Variants in CTNND2 observed in about 807,000 individuals in gnomAD.
CTNND2 encodes the protein catenin delta 2, also known as catenin delta-2.
Under a neutral mutation model 144.4 loss-of-function variants are expected in CTNND2, and 22 were observed. The observed-to-expected ratio is 0.15, with a 90% confidence interval of 0.11 to 0.22. CTNND2 has a LOEUF of 0.22. Among genes scored for constraint, CTNND2 ranks in the 10% least tolerant of loss-of-function variants. The pLI is 1.00. For synonymous variants in CTNND2, 751 were observed against 695.6 expected (o/e 1.08, Z -1.25); for missense variants, 1,353 against 1,618.8 (o/e 0.84, Z 2.82).
intron 16 of CTNND2, among the ~76,000 whole-genome samples, chr5:11,035,612 C>CATT (rs1743985629): frequency 6.6e-6 from 1 of 152,170 alleles, no homozygotes; most frequent in African/African-American, 2.4e-5. Context: ...TTTGGGAGGA[C>CATT]ATTATTCTGC....
intron 12 of CTNND2, among the ~76,000 whole-genome samples, chr5:11,132,238 G>T (rs1755694562): frequency 6.6e-6 from 1 of 152,194 alleles, no homozygotes; most frequent in African/African-American, 2.4e-5. Flanking sequence ...CAGTAGGGAA[G>T]AAAGGGCAGA....
intron 2 of CTNND2, among the ~76,000 whole-genome samples, chr5:11,590,871 C>G (rs1779199045): frequency 6.6e-6 from 1 of 152,236 alleles, no homozygotes; most frequent in East Asian, 1.9e-4. Flanking sequence ...CACTTTCACC[C>G]AAGTGAATAA....
At chr5:11,108,495 C>T (rs1334331188) in intron 14 of CTNND2, among the ~76,000 whole-genome samples, 1 of 152,158 alleles carries the variant, frequency 6.6e-6, no homozygotes, top group East Asian at 1.9e-4. Context: ...AAATTGACTA[C>T]AGTGCACTCA....
chr5:11,547,951 G>A (rs541278625), intron 3 of CTNND2, among the ~76,000 whole-genome samples: 5 of 152,212 alleles, frequency 3.3e-5, no homozygotes, highest in Admixed American at 2.6e-4. Flanking sequence ...TGTCCCTAGC[G>A]ATATATTTAC....
At chr5:11,416,572 T>C (rs1761954737) in intron 3 of CTNND2, among the ~76,000 whole-genome samples, 1 of 152,222 alleles carries the variant, frequency 6.6e-6, no homozygotes, top group Non-Finnish European at 1.5e-5. Context: ...GATTCCTTGT[T>C]TTAAAAATTG....
At chr5:11,164,315 T>G (rs1271336737) in intron 11 of CTNND2, among the ~76,000 whole-genome samples, 1 of 152,160 alleles carries the variant, frequency 6.6e-6, no homozygotes, top group African/African-American at 2.4e-5. Context: ...TTTTGCAGGG[T>G]AGGGACATTA....
At chr5:11,295,968 C>A (rs1386123024) in intron 9 of CTNND2, among the ~76,000 whole-genome samples, 3 of 151,930 alleles carry the variant, frequency 2.0e-5, no homozygotes, top group Middle Eastern at 3.4e-3. Context: ...GCAACAAAAG[C>A]CAAAATTGAC....
chr5:11,043,708 A>G (rs1361708369), intron 16 of CTNND2, among the ~76,000 whole-genome samples: 7 of 152,184 alleles, frequency 4.6e-5, no homozygotes. Context: ...TTTACAAGCA[A>G]TATTAATATG....
chr5:11,675,434 G>A (rs1195394888), intron 2 of CTNND2, among the ~76,000 whole-genome samples: 1 of 152,062 alleles, frequency 6.6e-6, no homozygotes, highest in Non-Finnish European at 1.5e-5. Flanking sequence ...GCAGTGGGAG[G>A]GAGGAAAGGC....
At chr5:11,095,587 G>A (rs1038077362) in intron 15 of CTNND2, among the ~76,000 whole-genome samples, 1 of 152,220 alleles carries the variant, frequency 6.6e-6, no homozygotes, top group Non-Finnish European at 1.5e-5. Context: ...GGTAGTCAGT[G>A]GGACAGAAAG....
chr5:11,895,509 T>G (rs748016602), intron 1 of CTNND2, among the ~76,000 whole-genome samples: 11 of 152,128 alleles, frequency 7.2e-5, no homozygotes, highest in African/African-American at 2.7e-4. Flanking sequence ...ACTCAGTCAG[T>G]TGGGGTACAA....
intron 2 of CTNND2, among the ~76,000 whole-genome samples, chr5:11,730,845 T>G (rs562918377): frequency 6.6e-6 from 1 of 152,310 alleles, no homozygotes; most frequent in African/African-American, 2.4e-5. Flanking sequence ...CTGCTTTAAA[T>G]TTTCTTACTA....
intron 16 of CTNND2, among the ~76,000 whole-genome samples, chr5:11,053,248 G>A (rs1746028188): frequency 6.6e-6 from 1 of 152,180 alleles, no homozygotes; most frequent in Non-Finnish European, 1.5e-5. Flanking sequence ...GCAGAGGCAA[G>A]CTTATCAGAG....
chr5:11,173,418 G>A (rs758933847), intron 11 of CTNND2, among the ~76,000 whole-genome samples: 13 of 152,290 alleles, frequency 8.5e-5, no homozygotes, highest in South Asian at 2.1e-4. Context: ...TAACCCTGTC[G>A]ACTCCTCGGA....
At chr5:11,282,942 T>A (rs939060169) in intron 9 of CTNND2, among the ~76,000 whole-genome samples, 1 of 152,212 alleles carries the variant, frequency 6.6e-6, no homozygotes, top group African/African-American at 2.4e-5. Flanking sequence ...CTTGCCTCGT[T>A]CTAGCACTCC....
At chr5:11,847,399 G>A (rs1011122711) in intron 1 of CTNND2, among the ~76,000 whole-genome samples, 21 of 151,842 alleles carry the variant, frequency 1.4e-4, no homozygotes, top group East Asian at 9.7e-4. Context: ...CAAATATGGC[G>A]TCATCTCACT....
At chr5:11,547,463 A>G (rs1250592954) in intron 3 of CTNND2, among the ~76,000 whole-genome samples, 1 of 152,114 alleles carries the variant, frequency 6.6e-6, no homozygotes, top group Non-Finnish European at 1.5e-5. Flanking sequence ...CTATTCATCA[A>G]AGGACACTAC....
In CTNND2 at chr5:11,236,757, C is replaced by T. The variant is rs778117375; in HGVS notation, c.1695G>A (p.Ser565=). The change falls in exon 10 of 22, where the codon TCG becomes TCA. Residue 565 remains serine (S), a synonymous_variant. Transcript: ENST00000304623. ...AGTAGGCTGCCGCGTTAGACTGGAC[C>T]GAGGGAAACTGGTGCTGCAACATCT... ...VIQMLQHQFP[S]VQSNAAAYLQ... 31 of 1,613,982 alleles carry T rather than the reference C, an allele frequency of 1.9e-5. No individual in the cohort carries two copies. The highest frequency in any genetic ancestry group is 2.4e-5 in the Non-Finnish European group (28 of 1,180,022).
chr5:11,554,405 C>G (rs568915255), intron 3 of CTNND2, among the ~76,000 whole-genome samples: 6 of 152,176 alleles, frequency 3.9e-5, no homozygotes, highest in African/African-American at 7.2e-5. Context: ...GACAGAAGGA[C>G]AGCCTTGTGG....
Sources: gnomAD v4.1 joint callset for allele counts (sites outside exome capture counted in the v4.1 genomes callset) on GRCh38, gnomAD v4.1.1 for gene constraint, MANE v1.5 for transcripts, NCBI Gene and HGNC (gene_info 2026-07-23, HGNC 2026-07-21) for gene names.